MYO1G: variants seen among roughly 807,000 people sequenced by gnomAD.
The protein encoded by MYO1G is unconventional myosin-Ig.
In MYO1G, 65 loss-of-function variants were observed where a neutral mutation model predicts 115.3. The ratio of observed to expected loss-of-function variants is 0.56; its 90% confidence interval spans 0.46 to 0.69. The LOEUF is 0.69. Among genes scored for constraint, MYO1G ranks in the 30% least tolerant of loss-of-function variants. MYO1G has a pLI of 0.00. For missense variants in MYO1G, 1,204 were observed against 1,393.5 expected (o/e 0.86, Z 2.16); for synonymous variants, 510 against 552.6 (o/e 0.92, Z 1.08).
intron 7 of MYO1G, 84 bp from the exon 8 acceptor site, chr7:44,971,143 GCAGGGGACATGGATGCGGTAGAGTA>G: frequency 8.1e-7 from 1 of 1,229,840 alleles, no homozygotes; most frequent in South Asian, 1.4e-5. Flanking sequence ...AGGAAGGAAA[GCAGGGGACATGGATGCGGTAGAGTA>G]CAGCTCCTTC....
At chr7:44,968,095 G>T in intron 12 of MYO1G, 137 bp from the exon 13 acceptor site, 1 of 692,458 alleles carries the variant, frequency 1.4e-6, no homozygotes. Context: ...CTCTGCCTTG[G>T]CTCCTCTCCT....
chr7:44,975,059 G>A, intron 5 of MYO1G, 115 bp downstream of exon 5: 2 of 1,079,242 alleles, frequency 1.9e-6, no homozygotes, highest in Non-Finnish European at 2.9e-6. Flanking sequence ...AGGTGGGGTT[G>A]AGTGGGCAGA....
chr7:44,976,998 G>A lies in MYO1G; in HGVS notation c.169C>T (p.Leu57=), dbSNP rs148775890. ...VSVNPYQELP[L]YGPEAIARYQ... ...CTGGCGATGGCCTCAGGCCCATACAGGGGCAGCTCCTGGTAGGGGTTCACG... is the reference window on the plus strand; with the variant it reads ...CTGGCGATGGCCTCAGGCCCATACAAGGGCAGCTCCTGGTAGGGGTTCACG... The change falls in exon 2 of 22, where the codon CTG becomes TTG. Residue 57 remains leucine, a synonymous_variant. Transcript: ENST00000258787. 4 of 1,613,584 alleles carry A rather than the reference G, an allele frequency of 2.5e-6. No homozygotes were observed. The highest frequency in any genetic ancestry group is 2.7e-5 in the African/African-American group (2 of 74,948).
intron 5 of MYO1G, chr7:44,974,164 G>A (rs62461374): frequency 0.19 from 29,347 of 150,842 alleles, 3,159 homozygotes; most frequent in Non-Finnish European, 0.22. Context: ...AGTCAGAGTC[G>A]TGAAGACACT....
chr7:44,971,577 G>T, intron 7 of MYO1G, 96 bp downstream of exon 7: 1 of 849,726 alleles, frequency 1.2e-6, no homozygotes. Flanking sequence ...CATTGCTGGG[G>T]CATCTCCAGC....
chr7:44,970,298 C>T, intron 9 of MYO1G, 144 bp from the exon 10 acceptor site: 1 of 714,498 alleles, frequency 1.4e-6, no homozygotes, highest in African/African-American at 1.7e-5. Flanking sequence ...GTGGCTTATG[C>T]ATCCCTGCCC....
rs1794844794 is a variant in MYO1G at position 44,966,389 on chromosome 7, TG to T, written c.1950-110del. On this transcript the variant is annotated intron_variant, in intron 15 of 21. Transcript: ENST00000258787. The surrounding 1 kb of genome is among the most constrained non-coding windows in gnomAD (Gnocchi z 5.0). ...ATGGCAGGGATACAGAGTGTGTTCC[TG>T]GAGCACTTATGACACCTGTGCACAT... 5 of 1,043,730 alleles carry T rather than the reference TG, an allele frequency of 4.8e-6. No individual in the cohort carries two copies. Among genetic ancestry groups the T allele is most frequent in the Non-Finnish European group, 7.1e-6 (5 of 701,148 alleles). The allele number at this position is 1,043,730 out of a possible 1,614,324, so 64.7% of individuals were successfully genotyped here.
chr7:44,971,060 C>A lies in MYO1G; in HGVS notation c.847-1G>T. 6.2e-7 allele frequency: 1 copy of A among 1,608,080 alleles called. No homozygotes were observed. Among genetic ancestry groups the A allele is most frequent in the Non-Finnish European group, 8.5e-7 (1 of 1,177,934 alleles). On this transcript the variant is annotated splice_acceptor_variant, in intron 7 of 21. Coordinates refer to ENST00000258787, the MANE Select transcript of MYO1G (RefSeq NM_033054.3). LOFTEE classifies it high-confidence loss of function. ...CCGTCTCCACAAACTCGATGTTTCC[C>A]TGGTGATGGGAAAACCATGAACAGT...
chr7:44,979,000 C>A lies in MYO1G; in HGVS notation c.-39G>T, dbSNP rs778027318. 2.5e-6 allele frequency: 4 copies of A among 1,591,340 alleles called. No homozygotes were observed. The African/African-American group carries it at 5.4e-5, about 21-fold the overall frequency. On this transcript the variant is annotated 5_prime_UTR_variant, in exon 1 of 22. The change creates a new upstream start codon in the 5' untranslated region. Transcript: ENST00000258787. ...AACACCTTGCCTCACCTTCCTGTGCCTGCTGGAAGGACAGTGAAGGAGAGG... is the reference window on the plus strand; with the variant it reads ...AACACCTTGCCTCACCTTCCTGTGCATGCTGGAAGGACAGTGAAGGAGAGG...
At chr7:44,971,242 G>A (rs141012085) in intron 7 of MYO1G, among the ~76,000 whole-genome samples, 183 bp from the exon 8 acceptor site, 5 of 152,198 alleles carry the variant, frequency 3.3e-5, no homozygotes, top group Non-Finnish European at 7.3e-5. Flanking sequence ...GGGGAAGGGG[G>A]CATGGGCACA....
intron 16 of MYO1G, 58 bp from the exon 17 acceptor site, chr7:44,965,918 A>G (rs971829521): frequency 1.9e-6 from 3 of 1,570,442 alleles, no homozygotes; most frequent in Non-Finnish European, 2.6e-6. Flanking sequence ...CCTAACCCTT[A>G]GACCCAAACC....
intron 6 of MYO1G, 51 bp from the exon 7 acceptor site, chr7:44,971,840 C>T: frequency 7.3e-7 from 1 of 1,372,390 alleles, no homozygotes; most frequent in Non-Finnish European, 1.0e-6. Flanking sequence ...CCCAGGACAC[C>T]TGTCTCCCTT....
chr7:44,978,919 C>G lies in MYO1G; in HGVS notation c.43G>C (p.Val15Leu). 6.2e-7 allele frequency: 1 copy of G among 1,614,222 alleles called. No individual in the cohort carries two copies. Among genetic ancestry groups the G allele is most frequent in the East Asian group, 2.2e-5 (1 of 44,876 alleles). The change falls in exon 1 of 22, where the codon GTG becomes CTG. Residue 15 changes from valine to leucine, a missense_variant. Coordinates refer to ENST00000258787, the MANE Select transcript of MYO1G (RefSeq NM_033054.3). ...TCCATGGTCACTTGGTCCAAAAGCA[C>G]AAAGTCAGGTTTGCCATACTCAGGG... is the stretch of plus-strand genomic sequence containing the variant. ...EGPEYGKPDF[V>L]LLDQVTMEDF...
chr7:44,975,398 G>A (rs1471569764), intron 4 of MYO1G, 86 bp downstream of exon 4: 1 of 1,548,248 alleles, frequency 6.5e-7, no homozygotes, highest in Non-Finnish European at 8.8e-7. Flanking sequence ...CTCCTAAGCT[G>A]CACCGTCGGG....
Position 44,970,661 on chromosome 7 carries a change from C to T in MYO1G, c.1148G>A (p.Arg383Gln), listed in dbSNP as rs371241303. 28 of 1,613,946 alleles carry T rather than the reference C, an allele frequency of 1.7e-5. No individual in the cohort carries two copies. The highest frequency in any genetic ancestry group is 4.4e-5 in the South Asian group (4 of 91,082). ...AATGACTGTGTCCTTGCCATCACGC[C>T]GAGGATCCCGGCCCCGGGGTTCCAT... ...SVMEPRGRDP[R>Q]RDGKDTVIGV... The change falls in exon 9 of 22, where the codon CGG (arginine) becomes CAG (glutamine). Residue 383 changes from arginine to glutamine, a missense_variant. Physicochemically the swap from Arg to Gln is conservative, Grantham distance 43. Transcript: ENST00000258787.
chr7:44,972,089 G>A (rs969371570), intron 6 of MYO1G, 26 bp downstream of exon 6: 1 of 1,571,964 alleles, frequency 6.4e-7, no homozygotes, highest in Non-Finnish European at 8.8e-7. Flanking sequence ...AGCCCAGTTT[G>A]AGCCCTTGGT....
intron 1 of MYO1G, among the ~76,000 whole-genome samples, chr7:44,977,939 AC>A (rs56746565): frequency 0.19 from 28,689 of 152,196 alleles, 3,034 homozygotes; most frequent in Non-Finnish European, 0.21. Flanking sequence ...CAAGTCACCC[AC>A]GTCTCCAGGG....
intron 6 of MYO1G, 31 bp from the exon 7 acceptor site, chr7:44,971,820 C>G (rs1562831769): frequency 5.4e-6 from 8 of 1,479,472 alleles, no homozygotes; most frequent in Non-Finnish European, 7.4e-6. Context: ...CACTCCAAAG[C>G]CACACTGGGC....
rs748300218 is a variant in MYO1G, at chr7:44,969,920, G to T, written c.1333-45C>A. On this transcript the variant is annotated intron_variant, in intron 10 of 21. Transcript: ENST00000258787. This position sits in a 1 kb window ranked among gnomAD's most constrained non-coding sequence, Gnocchi z 5.0. ...CAAGGAAGCTCCCAAGGTCTTTCAG[G>T]CCACCTCCCCTCCTCCGCCCCACAC... 6.9e-6 allele frequency: 11 copies of T among 1,585,894 alleles called. No individual in the cohort carries two copies. Among genetic ancestry groups the T allele is most frequent in the African/African-American group, 4.0e-5 (3 of 74,514 alleles).
Sources: allele counts gnomAD v4.1 joint callset (sites outside exome capture counted in the v4.1 genomes callset), GRCh38; gene constraint gnomAD v4.1.1; non-coding constraint Gnocchi (gnomAD v3.1); transcripts MANE v1.5; gene names NCBI Gene and HGNC (gene_info 2026-07-23, HGNC 2026-07-21).